DAGLB: variants seen among roughly 807,000 people sequenced by gnomAD.
The protein encoded by DAGLB is diacylglycerol lipase-beta.
DAGLB carries 66 observed loss-of-function variants against 72.1 expected under a neutral mutation model. The ratio of observed to expected loss-of-function variants is 0.92; its 90% CI spans 0.75 to 1.12. The LOEUF (loss-of-function observed/expected upper bound fraction) is 1.12. DAGLB is among the 50% of genes most tolerant of loss of function. The pLI is 0.00. For synonymous variants in DAGLB, 414 were observed against 359.5 expected, an observed-to-expected ratio of 1.15 and a Z score of -1.71; for missense variants, 1,065 against 884.9, an observed-to-expected ratio of 1.20 and a Z score of -2.58.
Position 6,412,816 on chromosome 7 carries a change from G to A in DAGLB, c.1564C>T (p.Pro522Ser), listed in dbSNP as rs779158305. Residue 522 changes from proline to serine, a missense_variant, in exon 13 of 15, where the codon CCC (proline) becomes TCC (serine). Physicochemically the swap from Pro to Ser is moderately conservative, Grantham distance 74. Transcript: ENST00000297056. ...TCAACAAGGCACCCGCTTACCTTGG[G>A]TTTATTGCAGTGCGCGACCACTCGC... ...ILRVVAHCNK[P>S]KYKILLHGLW... 3 of 1,585,922 alleles carry A rather than the reference G, an allele frequency of 1.9e-6. No individual in the cohort carries two copies. Among genetic ancestry groups the A allele is most frequent in the East Asian group, 4.5e-5 (2 of 44,352 alleles).
intron 8 of DAGLB, among the ~76,000 whole-genome samples, chr7:6,423,942 G>C (rs1412558486): frequency 1.3e-5 from 2 of 152,134 alleles, no homozygotes; most frequent in Non-Finnish European, 2.9e-5. Flanking sequence ...GGGAGGAGCA[G>C]CCCTGTGGGA....
chr7:6,427,426 G>T (rs1408780564), intron 6 of DAGLB, among the ~76,000 whole-genome samples: 1 of 151,840 alleles, frequency 6.6e-6, no homozygotes, highest in Non-Finnish European at 1.5e-5. Flanking sequence ...CGGGAGGATC[G>T]CTCAAGTGTT....
At chr7:6,436,683 C>G (rs1322356583) in intron 2 of DAGLB, 150 bp from the exon 3 acceptor site, 2 of 886,672 alleles carry the variant, frequency 2.3e-6, no homozygotes, top group East Asian at 2.7e-5. Flanking sequence ...TAATCAGCAC[C>G]TAAGTCAGAC....
chr7:6,422,230 A>G (rs1014498824), intron 8 of DAGLB: 2 of 333,002 alleles, frequency 6.0e-6, no homozygotes, highest in South Asian at 2.3e-5. Context: ...GCCGAGTCAG[A>G]GGATGGGGCA....
chr7:6,423,456 G>C (rs530678532), intron 8 of DAGLB, among the ~76,000 whole-genome samples: 2 of 152,184 alleles, frequency 1.3e-5, no homozygotes, highest in Middle Eastern at 3.4e-3. Flanking sequence ...ACAGAGTCTC[G>C]ATCTGTCGCC....
chr7:6,441,029 C>T (rs757189331), intron 2 of DAGLB, among the ~76,000 whole-genome samples: 28 of 151,994 alleles, frequency 1.8e-4, no homozygotes, highest in Non-Finnish European at 3.1e-4. Context: ...CATGAGCCAC[C>T]GCTCCCAGCT....
intron 1 of DAGLB, among the ~76,000 whole-genome samples, chr7:6,447,297 G>C (rs1785038296): frequency 6.6e-6 from 1 of 152,184 alleles, no homozygotes; most frequent in Admixed American, 6.6e-5. Context: ...GCCACAACCG[G>C]CTCGGTATTT....
At chr7:6,427,268 C>T (rs1417894482) in intron 6 of DAGLB, among the ~76,000 whole-genome samples, 1 of 152,140 alleles carries the variant, frequency 6.6e-6, no homozygotes, top group African/African-American at 2.4e-5. Flanking sequence ...GCATGGGTAA[C>T]TCACGCTGAT....
chr7:6,422,323 G>C, intron 8 of DAGLB: 1 of 265,568 alleles, frequency 3.8e-6, no homozygotes, highest in Non-Finnish European at 7.6e-6. Flanking sequence ...AAAGCAGAGA[G>C]GACAGGCGGC....
At chr7:6,423,741 C>T (rs781164685) in intron 8 of DAGLB, among the ~76,000 whole-genome samples, 2 of 152,170 alleles carry the variant, frequency 1.3e-5, no homozygotes, top group Non-Finnish European at 1.5e-5. Flanking sequence ...GAGCCCACCA[C>T]CATGCCTGGC....
chr7:6,414,242 C>T (rs1319543229), intron 11 of DAGLB, among the ~76,000 whole-genome samples: 1 of 151,704 alleles, frequency 6.6e-6, no homozygotes, highest in Admixed American at 6.6e-5. Context: ...GATCTCCTGA[C>T]CTCATGATCT....
At position 6,446,109 on chromosome 7, in the gene DAGLB, CAAAAA is replaced by C; in HGVS notation, c.96-10_96-6del. ...AACGTCAGAATGCCAATCCACCTGG[CAAAAA>C]AAAAAAAGGGAAGGGTCAGAAATGA... On this transcript the variant is annotated splice_polypyrimidine_tract_variant and splice_region_variant and intron_variant, in intron 1 of 14. Transcript: ENST00000297056. The C allele has an allele frequency of 7.9e-7, 1 of 1,267,056 alleles. No homozygotes were observed. The highest frequency in any genetic ancestry group is 1.4e-5 in the South Asian group (1 of 69,262). 78.5% of individuals were successfully genotyped at this position (1,267,056 alleles called of 1,614,324 possible).
intron 11 of DAGLB, among the ~76,000 whole-genome samples, chr7:6,415,813 C>G (rs1405869167): frequency 6.6e-6 from 1 of 151,238 alleles, no homozygotes; most frequent in Non-Finnish European, 1.5e-5. Flanking sequence ...CCACTGCACT[C>G]CAGCCTGGGC....
At chr7:6,421,661 A>C in intron 9 of DAGLB, 66 bp downstream of exon 9, 1 of 1,529,602 alleles carries the variant, frequency 6.5e-7, no homozygotes, top group Non-Finnish European at 8.9e-7. Context: ...GCAGTCCCTG[A>C]CCCGAGGCAC....
intron 2 of DAGLB, among the ~76,000 whole-genome samples, chr7:6,437,308 T>G (rs939953620): frequency 6.6e-6 from 1 of 152,112 alleles, no homozygotes; most frequent in African/African-American, 2.4e-5. Flanking sequence ...CTTTGAGACC[T>G]ACATTGTTCT....
intron 13 of DAGLB, chr7:6,412,534 CCTTGGCCTCCTGA>C (rs1399127434): frequency 6.6e-6 from 3 of 455,108 alleles, no homozygotes. Context: ...GATCCTCCTG[CCTTGGCCTCCTGA>C]GGTGCTGGGA....
Position 6,409,561 on chromosome 7 carries a change from C to T in DAGLB, c.*276G>A. ...AGCAGTCCTCAGACAGCCAAGGGATCCATCCACGGGCCAGGGCTTCCCGAG... is the reference window on the plus strand; with the variant it reads ...AGCAGTCCTCAGACAGCCAAGGGATTCATCCACGGGCCAGGGCTTCCCGAG... On this transcript the variant is annotated 3_prime_UTR_variant, in exon 15 of 15. Transcript: ENST00000297056. 2.0e-6 allele frequency: 1 copy of T among 500,724 alleles called. No individual in the cohort carries two copies. The highest frequency in any genetic ancestry group is 2.3e-5 in the South Asian group (1 of 44,280). The allele number at this position is 500,724 out of a possible 1,614,324, so 31.0% of individuals were successfully genotyped here.
intron 7 of DAGLB, among the ~76,000 whole-genome samples, chr7:6,425,357 C>T (rs1008989610): frequency 2.0e-5 from 3 of 152,128 alleles, no homozygotes; most frequent in African/African-American, 4.8e-5. Context: ...CTGTAACCTC[C>T]GCCTCCCGGA....
At chr7:6,431,385 C>T (rs1288147171) in intron 5 of DAGLB, among the ~76,000 whole-genome samples, 8 of 152,186 alleles carry the variant, frequency 5.3e-5, no homozygotes, top group Non-Finnish European at 1.2e-4. Context: ...AAAGCAAACA[C>T]ACCCAGGGAG....
Sources: allele counts gnomAD v4.1 joint callset (sites outside exome capture counted in the v4.1 genomes callset), GRCh38; gene constraint gnomAD v4.1.1; transcripts MANE v1.5; gene names NCBI Gene and HGNC (gene_info 2026-07-23, HGNC 2026-07-21).